LINGO2: variants seen among roughly 807,000 people sequenced by gnomAD.
LINGO2 encodes the protein leucine-rich repeat and immunoglobulin-like domain-containing nogo receptor-interacting protein 2.
Under a neutral mutation model 30.6 loss-of-function variants are expected in LINGO2, and 14 were observed. That is an observed-to-expected ratio of 0.46 (90% CI 0.30 to 0.72). The LOEUF (loss-of-function observed/expected upper bound fraction) is 0.72. LINGO2 is among the 30% of genes least tolerant of loss of function. LINGO2 has a pLI of 0.07. For missense variants in LINGO2, 729 were observed against 751.7 expected (o/e 0.97, Z 0.35); for synonymous variants, 317 against 288.5 (o/e 1.10, Z -1.00).
At chr9:28,790,088 T>TA in the LINGO2 span, among the ~76,000 whole-genome samples, 3 of 152,180 alleles carry the variant, frequency 2.0e-5, no homozygotes, top group Admixed American at 1.3e-4. Context: ...CATAAGTTTT[T>TA]AGTTGCACAC....
chr9:28,015,418 T>TA (rs1327647360), intron 4 of LINGO2, among the ~76,000 whole-genome samples: 41 of 152,278 alleles, frequency 2.7e-4, no homozygotes, highest in African/African-American at 9.9e-4. Context: ...TGAGGAGTTT[T>TA]AAATTGTAAT....
the LINGO2 span, among the ~76,000 whole-genome samples, chr9:28,861,309 TATATA>T: frequency 2.2e-4 from 29 of 129,498 alleles, no homozygotes; most frequent in South Asian, 6.1e-3. Context: ...TTATATATTT[TATATA>T]ATATACTATA....
intron 2 of LINGO2, among the ~76,000 whole-genome samples, chr9:28,445,097 G>T (rs558088146): frequency 1.3e-5 from 2 of 152,130 alleles, no homozygotes; most frequent in East Asian, 1.9e-4. Flanking sequence ...CAGAAGCCAG[G>T]GTCCAGAGCC....
the LINGO2 span, among the ~76,000 whole-genome samples, chr9:28,840,979 GT>G: frequency 2.0e-5 from 3 of 151,794 alleles, no homozygotes; most frequent in Non-Finnish European, 4.4e-5. Flanking sequence ...TGAGTGAAAT[GT>G]TTTTCTCCAA....
chr9:28,169,473 A>G (rs1302408360), intron 4 of LINGO2, among the ~76,000 whole-genome samples: 4 of 152,240 alleles, frequency 2.6e-5, no homozygotes, highest in African/African-American at 9.6e-5. Flanking sequence ...TTCAGTAATA[A>G]CCTATCAATA....
the LINGO2 span, among the ~76,000 whole-genome samples, chr9:28,907,340 C>T: frequency 6.6e-6 from 1 of 151,868 alleles, no homozygotes; most frequent in African/African-American, 2.4e-5. Flanking sequence ...GTAGCAAAAG[C>T]TATTCACATA....
chr9:28,594,401 C>T (rs967448541), intron 1 of LINGO2, among the ~76,000 whole-genome samples: 3 of 152,052 alleles, frequency 2.0e-5, no homozygotes, highest in Non-Finnish European at 2.9e-5. Flanking sequence ...CAAATCTTCA[C>T]ATTTGGTTTA....
chr9:28,753,201 A>G, the LINGO2 span, among the ~76,000 whole-genome samples: 1 of 152,020 alleles, frequency 6.6e-6, no homozygotes, highest in East Asian at 1.9e-4. Flanking sequence ...TGACCGCAGA[A>G]GAAACCACCC....
chr9:28,981,774 T>G, the LINGO2 span, among the ~76,000 whole-genome samples: 1 of 151,986 alleles, frequency 6.6e-6, no homozygotes, highest in Non-Finnish European at 1.5e-5. Flanking sequence ...TTCTACTACA[T>G]GTGAAACAGG....
chr9:28,432,830 C>T (rs1207900517), intron 2 of LINGO2, among the ~76,000 whole-genome samples: 3 of 152,106 alleles, frequency 2.0e-5, no homozygotes, highest in Admixed American at 6.5e-5. Flanking sequence ...ATAAAAGAGA[C>T]GTTGACTTCA....
the LINGO2 span, among the ~76,000 whole-genome samples, chr9:28,677,715 T>C: frequency 6.6e-6 from 1 of 152,160 alleles, no homozygotes; most frequent in Non-Finnish European, 1.5e-5. Flanking sequence ...TATGCTACAG[T>C]CATTTAATAA....
chr9:29,020,921 T>C, the LINGO2 span, among the ~76,000 whole-genome samples: 1 of 152,114 alleles, frequency 6.6e-6, no homozygotes, highest in Non-Finnish European at 1.5e-5. Flanking sequence ...TTAAATTTTA[T>C]TAATTTAGTT....
the LINGO2 span, among the ~76,000 whole-genome samples, chr9:28,768,900 C>T: frequency 0.048 from 7,372 of 152,084 alleles, 299 homozygotes; most frequent in Admixed American, 0.12. Flanking sequence ...AATATATACA[C>T]ATAATGGCAG....
chr9:28,494,284 C>T (rs139893414), intron 1 of LINGO2, among the ~76,000 whole-genome samples: 187 of 151,960 alleles, frequency 1.2e-3, no homozygotes, highest in African/African-American at 3.7e-3. Context: ...TTGTTACATA[C>T]GTATACATGT....
chr9:28,257,963 C>A (rs376248011), intron 4 of LINGO2, among the ~76,000 whole-genome samples: 24 of 151,808 alleles, frequency 1.6e-4, no homozygotes, highest in Non-Finnish European at 2.8e-4. Context: ...TGTTGATTAA[C>A]GCATAAAAAG....
chr9:28,189,765 G>C (rs1177534302), intron 4 of LINGO2, among the ~76,000 whole-genome samples: 1 of 151,862 alleles, frequency 6.6e-6, no homozygotes, highest in African/African-American at 2.4e-5. Context: ...CTTTACTAGT[G>C]CCTGATATTC....
the LINGO2 span, among the ~76,000 whole-genome samples, chr9:28,714,784 TTA>T: frequency 3.9e-5 from 6 of 152,248 alleles, no homozygotes; most frequent in African/African-American, 1.4e-4. Context: ...TAATTGTTTA[TTA>T]TAGTTACTTA....
At chr9:28,604,268 A>C (rs1825612891) in intron 1 of LINGO2, among the ~76,000 whole-genome samples, 1 of 152,018 alleles carries the variant, frequency 6.6e-6, no homozygotes, top group African/African-American at 2.4e-5. Context: ...AAAAGAAGGC[A>C]TGTAAAGATA....
At chr9:27,981,571 A>AAAAAAAAAAAAAAAAAG (rs1820876000) in intron 5 of LINGO2, among the ~76,000 whole-genome samples, 1 of 74,234 alleles carries the variant, frequency 1.3e-5, no homozygotes, top group African/African-American at 3.7e-5. Flanking sequence ...AAAAAAAAAG[A>AAAAAAAAAAAAAAAAAG]AAAAAAAAAG....
Sources: allele counts gnomAD v4.1 joint callset (sites outside exome capture counted in the v4.1 genomes callset), GRCh38; gene constraint gnomAD v4.1.1; transcripts MANE v1.5; gene names NCBI Gene and HGNC (gene_info 2026-07-23, HGNC 2026-07-21).